The following MAF variants were observed in gnomAD, a reference collection of about 807,000 sequenced individuals.
MAF encodes transcription factor Maf.
A neutral mutation model predicts 22.0 loss-of-function variants in MAF; 10 were observed. The ratio of observed to expected loss-of-function variants is 0.45; its 90% CI spans 0.28 to 0.77. The LOEUF is 0.77. Among genes scored for constraint, MAF ranks in the 30% least tolerant of loss-of-function variants. The probability of loss-of-function intolerance (pLI) is 0.12; values close to 1 mark genes in which losing one functional copy is unlikely to be tolerated. For missense variants in MAF, 544 were observed against 548.4 expected (o/e 0.99, Z 0.08); for synonymous variants, 337 against 255.8 (o/e 1.32, Z -3.03).
the MAF span, among the ~76,000 whole-genome samples, chr16:79,565,516 GA>G: frequency 1.3e-4 from 20 of 151,618 alleles, no homozygotes; most frequent in African/African-American, 4.9e-4. Context: ...TGGGGGGGGG[GA>G]CCAGTTGGGA....
the MAF span, among the ~76,000 whole-genome samples, chr16:79,571,015 A>C: frequency 6.6e-6 from 1 of 152,060 alleles, no homozygotes; most frequent in Non-Finnish European, 1.5e-5. Context: ...GCGTCTATAG[A>C]GGGAAAGTGA....
At chr16:79,334,334 G>A in the MAF span, among the ~76,000 whole-genome samples, 1 of 152,154 alleles carries the variant, frequency 6.6e-6, no homozygotes, top group Non-Finnish European at 1.5e-5. Context: ...CGCACCAGGA[G>A]CTAGAAGCAA....
the MAF span, among the ~76,000 whole-genome samples, chr16:79,457,227 G>C: frequency 7.2e-5 from 11 of 152,216 alleles, no homozygotes; most frequent in South Asian, 2.3e-3. Context: ...GGTGTCACTT[G>C]CAATTTTCAC....
the MAF span, among the ~76,000 whole-genome samples, chr16:79,242,347 T>C: frequency 1.3e-5 from 2 of 149,232 alleles, no homozygotes; most frequent in East Asian, 3.9e-4. Flanking sequence ...GGAGGAACAT[T>C]TACCAAGCAA....
the MAF span, among the ~76,000 whole-genome samples, chr16:79,306,769 C>A: frequency 2.0e-5 from 3 of 152,202 alleles, no homozygotes; most frequent in South Asian, 2.1e-4. Context: ...CACTCTTCAA[C>A]ATAAAGTAGT....
the MAF span, among the ~76,000 whole-genome samples, chr16:79,578,324 C>T: frequency 1.3e-5 from 2 of 151,776 alleles, no homozygotes; most frequent in African/African-American, 2.4e-5. Context: ...CCATTTTGCC[C>T]CAGAGAGTCA....
the MAF span, among the ~76,000 whole-genome samples, chr16:79,280,464 C>A: frequency 6.6e-6 from 1 of 152,206 alleles, no homozygotes; most frequent in Admixed American, 6.5e-5. Context: ...AGTTTTAGAA[C>A]CCCTGGGATT....
chr16:79,491,408 C>T, the MAF span, among the ~76,000 whole-genome samples: 2 of 152,188 alleles, frequency 1.3e-5, no homozygotes, highest in Non-Finnish European at 1.5e-5. Flanking sequence ...TGATTGCATT[C>T]TTCATGCAGG....
chr16:79,257,217 A>G, the MAF span, among the ~76,000 whole-genome samples: 27 of 152,246 alleles, frequency 1.8e-4, no homozygotes, highest in African/African-American at 5.8e-4. Context: ...GAGTGTATGT[A>G]AAAACTGGTG....
At chr16:79,279,658 G>A in the MAF span, among the ~76,000 whole-genome samples, 1 of 152,144 alleles carries the variant, frequency 6.6e-6, no homozygotes, top group Admixed American at 6.5e-5. Context: ...ACCCCCAGAG[G>A]GCAAGGACCG....
At chr16:79,562,170 T>C in the MAF span, among the ~76,000 whole-genome samples, 1 of 152,190 alleles carries the variant, frequency 6.6e-6, no homozygotes, top group Non-Finnish European at 1.5e-5. Context: ...TTAAAACATG[T>C]AATATTCAGA....
the MAF span, among the ~76,000 whole-genome samples, chr16:79,332,645 CCAGA>C: frequency 6.6e-6 from 1 of 152,158 alleles, no homozygotes; most frequent in Non-Finnish European, 1.5e-5. Flanking sequence ...ATGCTACATG[CCAGA>C]CAATGTGTAT....
chr16:79,320,042 C>T, the MAF span, among the ~76,000 whole-genome samples: 1 of 152,116 alleles, frequency 6.6e-6, no homozygotes. Flanking sequence ...TGAGTCCAAC[C>T]AACCTTGGGT....
At chr16:79,227,670 A>C in the MAF span, among the ~76,000 whole-genome samples, 1 of 151,950 alleles carries the variant, frequency 6.6e-6, no homozygotes, top group Non-Finnish European at 1.5e-5. Context: ...TTTGAACTAA[A>C]TGATAAGCTG....
chr16:79,290,073 G>A, the MAF span, among the ~76,000 whole-genome samples: 1 of 151,914 alleles, frequency 6.6e-6, no homozygotes, highest in Non-Finnish European at 1.5e-5. Context: ...GCCAGGCACT[G>A]GTCTCTATCT....
At chr16:79,445,339 G>T in the MAF span, among the ~76,000 whole-genome samples, 1 of 152,102 alleles carries the variant, frequency 6.6e-6, no homozygotes, top group Non-Finnish European at 1.5e-5. Context: ...CACTGCGCCC[G>T]GCCAACATAC....
At chr16:79,372,586 C>T in the MAF span, among the ~76,000 whole-genome samples, 1 of 152,190 alleles carries the variant, frequency 6.6e-6, no homozygotes, top group African/African-American at 2.4e-5. Context: ...CCGTGGTGAC[C>T]TACTGGGGCA....
At chr16:79,572,588 G>T in the MAF span, among the ~76,000 whole-genome samples, 1 of 152,214 alleles carries the variant, frequency 6.6e-6, no homozygotes, top group Non-Finnish European at 1.5e-5. Flanking sequence ...TTTGAAAAAT[G>T]AATTCTAGGC....
chr16:79,359,759 C>A, the MAF span, among the ~76,000 whole-genome samples: 1 of 152,168 alleles, frequency 6.6e-6, no homozygotes, highest in Non-Finnish European at 1.5e-5. Flanking sequence ...AGTAGGACCA[C>A]ACCAACAACT....
Sources: gnomAD v4.1 joint callset for allele counts (sites outside exome capture counted in the v4.1 genomes callset) on GRCh38, gnomAD v4.1.1 for gene constraint, MANE v1.5 for transcripts, NCBI Gene and HGNC (gene_info 2026-07-23, HGNC 2026-07-21) for gene names.